Variants in SNTG2 observed in about 807,000 individuals in gnomAD.
The protein encoded by SNTG2 is syntrophin gamma 2.
Under a neutral mutation model 70.9 loss-of-function variants are expected in SNTG2, and 74 were observed. The ratio of observed to expected loss-of-function variants is 1.04; its 90% CI spans 0.86 to 1.27. The LOEUF is 1.27. SNTG2 is among the 50% of genes most tolerant of loss of function. SNTG2 has a pLI of 0.00. For synonymous variants in SNTG2, 278 were observed against 273.8 expected, an observed-to-expected ratio of 1.02 and a Z score of -0.15; for missense variants, 717 against 690.7, an observed-to-expected ratio of 1.04 and a Z score of -0.43.
intron 1 of SNTG2, among the ~76,000 whole-genome samples, chr2:963,046 C>T (rs1157198373): frequency 6.6e-6 from 1 of 152,022 alleles, no homozygotes; most frequent in Non-Finnish European, 1.5e-5. Flanking sequence ...GGTTTGAGTG[C>T]CTGCTTTGTG....
intron 16 of SNTG2, among the ~76,000 whole-genome samples, chr2:1,321,447 C>T (rs553262909): frequency 3.3e-5 from 5 of 152,254 alleles, no homozygotes; most frequent in East Asian, 1.9e-4. Context: ...GAAGATTGGG[C>T]GTGGGCACCT....
At chr2:1,055,698 C>T (rs1263725850) in intron 1 of SNTG2, among the ~76,000 whole-genome samples, 1 of 152,130 alleles carries the variant, frequency 6.6e-6, no homozygotes, top group Admixed American at 6.5e-5. Flanking sequence ...TGGAAGAAAC[C>T]CGGAACAGTA....
chr2:1,035,375 G>A (rs1661074255), intron 1 of SNTG2, among the ~76,000 whole-genome samples: 1 of 152,126 alleles, frequency 6.6e-6, no homozygotes. Context: ...GTGCTCTATG[G>A]TGCTGTAGAA....
intron 16 of SNTG2, among the ~76,000 whole-genome samples, chr2:1,328,918 TAC>T (rs35428712): frequency 9.2e-5 from 14 of 151,610 alleles, no homozygotes; most frequent in South Asian, 2.1e-4. Context: ...CATGCACACA[TAC>T]ACACGCACAG....
intron 14 of SNTG2, among the ~76,000 whole-genome samples, chr2:1,274,696 G>A (rs1160056154): frequency 2.6e-5 from 4 of 152,120 alleles, no homozygotes; most frequent in Non-Finnish European, 4.4e-5. Context: ...CGATCAGGAC[G>A]TTTCTGCCTG....
At chr2:1,272,809 G>A (rs1457973826) in intron 14 of SNTG2, among the ~76,000 whole-genome samples, 1 of 145,780 alleles carries the variant, frequency 6.9e-6, no homozygotes, top group Non-Finnish European at 1.5e-5. Flanking sequence ...CCCAGGGAGC[G>A]GGTGCAGAAA....
intron 1 of SNTG2, among the ~76,000 whole-genome samples, chr2:989,931 G>T (rs191865222): frequency 6.6e-6 from 1 of 152,368 alleles, no homozygotes; most frequent in Non-Finnish European, 1.5e-5. Context: ...GAGAAAGGAA[G>T]CCAAGGGGAC....
chr2:1,220,947 C>G (rs1459740119), intron 9 of SNTG2, among the ~76,000 whole-genome samples: 2 of 152,236 alleles, frequency 1.3e-5, no homozygotes, highest in Non-Finnish European at 2.9e-5. Context: ...TGAGTTTGCT[C>G]TGATAGAGAA....
intron 1 of SNTG2, among the ~76,000 whole-genome samples, chr2:1,003,202 C>T (rs1379222476): frequency 5.3e-5 from 8 of 152,062 alleles, no homozygotes; most frequent in African/African-American, 1.9e-4. Context: ...CATGGTATAT[C>T]CATGTAACAA....
At chr2:1,158,302 A>C (rs1670035490) in intron 6 of SNTG2, 1 of 151,186 alleles carries the variant, frequency 6.6e-6, no homozygotes, top group African/African-American at 2.4e-5. Flanking sequence ...GAAAAGTAGA[A>C]AATTATTATT....
At chr2:1,319,086 A>T (rs1005230571) in intron 16 of SNTG2, among the ~76,000 whole-genome samples, 1 of 152,196 alleles carries the variant, frequency 6.6e-6, no homozygotes, top group Non-Finnish European at 1.5e-5. Context: ...CTAAGACAGA[A>T]AGGCCTGAAA....
At chr2:1,272,130 T>G (rs1311427513) in intron 14 of SNTG2, among the ~76,000 whole-genome samples, 3 of 152,028 alleles carry the variant, frequency 2.0e-5, no homozygotes, top group Non-Finnish European at 4.4e-5. Flanking sequence ...ATTGTGCACT[T>G]TATTTCTATT....
At chr2:1,243,466 AAAAAGAAGGCTTGCTGCTGCCATGCTGG>A (rs1173950110) in intron 11 of SNTG2, among the ~76,000 whole-genome samples, 1 of 152,176 alleles carries the variant, frequency 6.6e-6, no homozygotes, top group Non-Finnish European at 1.5e-5. Context: ...GTTCTCCTCC[AAAAAGAAGGCTTGCTGCTGCCATGCTGG>A]AAAAAGAATC....
At chr2:1,218,214 G>T (rs1196420928) in intron 9 of SNTG2, among the ~76,000 whole-genome samples, 3 of 152,112 alleles carry the variant, frequency 2.0e-5, no homozygotes, top group Non-Finnish European at 4.4e-5. Flanking sequence ...CAGACGTAAA[G>T]GGCCATGTGT....
intron 16 of SNTG2, among the ~76,000 whole-genome samples, chr2:1,329,703 C>T (rs1310086456): frequency 6.6e-6 from 1 of 152,084 alleles, no homozygotes; most frequent in Non-Finnish European, 1.5e-5. Context: ...AACAAAAGTC[C>T]GATTGACAAG....
At chr2:1,298,825 G>C (rs1680330022) in intron 14 of SNTG2, among the ~76,000 whole-genome samples, 1 of 152,106 alleles carries the variant, frequency 6.6e-6, no homozygotes, top group African/African-American at 2.4e-5. Context: ...AATTGGGTAG[G>C]CACCATCCAA....
intron 4 of SNTG2, among the ~76,000 whole-genome samples, chr2:1,128,701 C>A (rs2148306845): frequency 6.6e-6 from 1 of 151,976 alleles, no homozygotes; most frequent in East Asian, 1.9e-4. Context: ...AGGGTGAAAA[C>A]TGTGTTAGAA....
chr2:1,259,401 G>T lies in SNTG2; in HGVS notation c.1037G>T (p.Arg346Met). The T allele has an allele frequency of 6.2e-7, 1 of 1,614,014 alleles. No homozygotes were observed. The highest frequency in any genetic ancestry group is 2.2e-5 in the East Asian group (1 of 44,876). The stretch of plus-strand genomic sequence containing the variant: ...ACATTCGATTGGGTGCGAGCAGAAA[G>T]GACCTATCACCTCTGTGAGGTGCTA... Reference protein sequence around the residue: ...VSTFDWVRAERTYHLCEVLFK... With the variant: ...VSTFDWVRAEMTYHLCEVLFK... The change falls in exon 13 of 17, where the codon AGG (arginine) becomes ATG (methionine). Residue 346 changes from arginine to methionine, a missense_variant. Physicochemically the swap from Arg to Met is moderately conservative, Grantham distance 91 (BLOSUM62 -1). Transcript: ENST00000308624.
At chr2:1,169,243 A>T in intron 7 of SNTG2, among the ~76,000 whole-genome samples, 1 of 152,108 alleles carries the variant, frequency 6.6e-6, no homozygotes, top group East Asian at 1.9e-4. Flanking sequence ...AGGAGGTGGC[A>T]TTGATAAAGG....
Sources: allele counts gnomAD v4.1 joint callset (sites outside exome capture counted in the v4.1 genomes callset), GRCh38; gene constraint gnomAD v4.1.1; transcripts MANE v1.5; gene names NCBI Gene and HGNC (gene_info 2026-07-23, HGNC 2026-07-21).